BRSK2: variants seen among roughly 807,000 people sequenced by gnomAD.
The protein encoded by BRSK2 is BR serine/threonine kinase 2.
In BRSK2, 19 loss-of-function variants were observed where a neutral mutation model predicts 83.3. The observed-to-expected ratio is 0.23, with a 90% CI of 0.16 to 0.33. BRSK2 has a LOEUF of 0.33. Among genes scored for constraint, BRSK2 ranks in the 10% least tolerant of loss-of-function variants. The pLI is 1.00. For synonymous variants in BRSK2, 519 were observed against 435.4 expected, an observed-to-expected ratio of 1.19 and a Z score of -2.39; for missense variants, 798 against 1,042.3, an observed-to-expected ratio of 0.77 and a Z score of 3.23.
intron 1 of BRSK2, among the ~76,000 whole-genome samples, chr11:1,402,344 G>A (rs1846534694): frequency 6.6e-6 from 1 of 152,252 alleles, no homozygotes; most frequent in African/African-American, 2.4e-5. Flanking sequence ...TGTGGCCTAA[G>A]GGTAGGTTAG....
At chr11:1,428,001 G>A (rs1849449752) in intron 1 of BRSK2, among the ~76,000 whole-genome samples, 1 of 152,170 alleles carries the variant, frequency 6.6e-6, no homozygotes, top group African/African-American at 2.4e-5. Context: ...TTACCTAGGA[G>A]GGACGCCTCT....
intron 1 of BRSK2, among the ~76,000 whole-genome samples, chr11:1,393,138 TC>T (rs1387757455): frequency 6.6e-6 from 1 of 152,114 alleles, no homozygotes; most frequent in African/African-American, 2.4e-5. Flanking sequence ...CGAGACACAG[TC>T]CCTGCCAGCA....
In BRSK2 at chr11:1,438,658, C is replaced by T. The variant is rs1279100603; in HGVS notation, c.272+267C>T. ...CTGAGGCTGGCAAGGGGGAACAGGA[C>T]CTTCTGGAGGGGAGATAGGAGTTTC... On this transcript the variant is annotated intron_variant, in intron 3 of 19. Coordinates refer to ENST00000528841, the MANE Select transcript of BRSK2 (RefSeq NM_001256627.2). The surrounding 1 kb of genome is among the most constrained non-coding windows in gnomAD (Gnocchi z 6.4). Among the ~76,000 whole-genome samples the T allele has an allele frequency of 6.6e-6, 1 of 152,130 alleles. No homozygotes were observed.
At chr11:1,459,052 A>G in intron 18 of BRSK2, 140 bp from the exon 19 acceptor site, 2 of 176,956 alleles carry the variant, frequency 1.1e-5, no homozygotes, top group Non-Finnish European at 9.3e-6. Context: ...TGGCCCCCCC[A>G]GTATTCCCCA....
At chr11:1,401,857 A>G (rs968511083) in intron 1 of BRSK2, among the ~76,000 whole-genome samples, 2 of 152,250 alleles carry the variant, frequency 1.3e-5, no homozygotes, top group African/African-American at 2.4e-5. Flanking sequence ...GGGTCCTCAC[A>G]GCCCAGCTGC....
chr11:1,428,160 C>G (rs912844528), intron 1 of BRSK2, among the ~76,000 whole-genome samples: 4 of 152,146 alleles, frequency 2.6e-5, no homozygotes, highest in African/African-American at 7.2e-5. Context: ...TCTCCTACAT[C>G]CCAGCCTGCT....
intron 1 of BRSK2, among the ~76,000 whole-genome samples, chr11:1,422,253 C>T (rs933486357): frequency 2.0e-5 from 3 of 152,192 alleles, no homozygotes; most frequent in South Asian, 2.1e-4. Flanking sequence ...TCACAGCCCC[C>T]AGCCCCCTCC....
At chr11:1,449,177 G>C (rs1206102309) in intron 12 of BRSK2, among the ~76,000 whole-genome samples, 1 of 152,236 alleles carries the variant, frequency 6.6e-6, no homozygotes, top group East Asian at 1.9e-4. Context: ...CCTCCCTCCT[G>C]CTGTGTGCAG....
rs1451329516 is a variant in BRSK2, at chr11:1,443,146, C to A, written c.564+7C>A. The A allele has an allele frequency of 2.6e-6, 4 of 1,537,272 alleles. No individual in the cohort carries two copies. In the Admixed American group the frequency reaches 7.9e-5, roughly 30 times the overall value. The stretch of plus-strand genomic sequence containing the variant: ...CTGCCCCGAGGTGATCCGGGTGAGT[C>A]AGCGCCGCCGCGTGCAGCTCTGTGG... On this transcript the variant is annotated splice_region_variant and intron_variant, in intron 6 of 19. Coordinates refer to ENST00000528841, the MANE Select transcript of BRSK2 (RefSeq NM_001256627.2).
intron 1 of BRSK2, chr11:1,410,826 C>G (rs1165527970): frequency 2.0e-6 from 2 of 985,378 alleles, no homozygotes; most frequent in Non-Finnish European, 2.4e-6. Context: ...CAGCAGGGCA[C>G]CACCGAGACC....
At chr11:1,426,492 C>T (rs1009731460) in intron 1 of BRSK2, among the ~76,000 whole-genome samples, 3 of 152,158 alleles carry the variant, frequency 2.0e-5, no homozygotes, top group African/African-American at 7.2e-5. Flanking sequence ...GGTGCCCAGT[C>T]CTGGCAAATC....
Position 1,444,951 on chromosome 11 carries a change from C to T in BRSK2, c.781-20C>T. ...TCCGTCCCTCGTCCGTACTAACTCC[C>T]TGTTTCTCTTTCCTTGTAGCTAGAG... On this transcript the variant is annotated intron_variant, in intron 8 of 19. Coordinates refer to ENST00000528841, the MANE Select transcript of BRSK2 (RefSeq NM_001256627.2). The T allele has an allele frequency of 1.2e-6, 2 of 1,611,176 alleles. No homozygotes were observed. The highest frequency in any genetic ancestry group is 1.7e-6 in the Non-Finnish European group (2 of 1,177,514).
intron 1 of BRSK2, among the ~76,000 whole-genome samples, chr11:1,433,499 C>G (rs11027175): frequency 0.37 from 56,736 of 152,204 alleles, 10,941 homozygotes; most frequent in African/African-American, 0.43. Context: ...TTAGGGGCTC[C>G]ATGCCCTTCG....
chr11:1,448,170 C>T (rs764834428), intron 12 of BRSK2, among the ~76,000 whole-genome samples: 6 of 152,192 alleles, frequency 3.9e-5, no homozygotes, highest in Non-Finnish European at 4.4e-5. Flanking sequence ...GTGCTGTGTC[C>T]GGTGGGCCTC....
intron 19 of BRSK2, among the ~76,000 whole-genome samples, chr11:1,460,112 C>A (rs1286358616): frequency 2.6e-5 from 4 of 151,800 alleles, no homozygotes; most frequent in Non-Finnish European, 5.9e-5. Flanking sequence ...TGGGGCAGGG[C>A]CTTCCGGGCC....
rs1353369069 is a variant in BRSK2, at chr11:1,460,549, C to T, written c.2037C>T (p.Asp679=). The change falls in exon 20 of 20, where the codon GAC becomes GAT. Residue 679 remains aspartate, a synonymous_variant. Transcript: ENST00000528841. ...FFDVIKQLFS[D]EKNGQAAQAP... ...ACGTAATTAAACAACTTTTTTCAGACGAGAAGAACGGGCAGGCGGCCCAGG... is the reference window on the plus strand; with the variant it reads ...ACGTAATTAAACAACTTTTTTCAGATGAGAAGAACGGGCAGGCGGCCCAGG... 1.1e-5 allele frequency: 16 copies of T among 1,513,044 alleles called. No homozygotes were observed. In the East Asian group the frequency reaches 2.0e-4, roughly 19 times the overall value. The allele number at this position is 1,513,044 out of a possible 1,614,324, so 93.7% of individuals were successfully genotyped here.
rs1850729372 is a variant in BRSK2, at chr11:1,438,891, C to T, written c.272+500C>T. 6.6e-6 allele frequency among the ~76,000 whole-genome samples: 1 copy of T among 152,188 alleles called. No homozygotes were observed. The highest frequency in any genetic ancestry group is 2.4e-5 in the African/African-American group (1 of 41,452). On this transcript the variant is annotated intron_variant, in intron 3 of 19. Transcript: ENST00000528841. This position sits in a 1 kb window ranked among gnomAD's most constrained non-coding sequence, Gnocchi z 6.4. Reference sequence around the variant, plus strand: ...TCACCTCCGCAGCCGCTGAGGCCAGCAGAAATCCCTACCCTGTCCCAGGCA... The same window carrying T: ...TCACCTCCGCAGCCGCTGAGGCCAGTAGAAATCCCTACCCTGTCCCAGGCA...
Position 1,456,641 on chromosome 11 carries a change from C to T in BRSK2, c.1893C>T (p.Ala631=). 1 of 1,610,934 alleles carries T rather than the reference C, an allele frequency of 6.2e-7. No homozygotes were observed. Among genetic ancestry groups the T allele is most frequent in the Non-Finnish European group, 8.5e-7 (1 of 1,179,306 alleles). The change falls in exon 18 of 20, where the codon GCC becomes GCT. Residue 631 remains alanine (A), a synonymous_variant. Transcript: ENST00000528841. The part of the protein sequence containing the change: ...RFKRVVETIQ[A]QLLSTHDPPA... The stretch of plus-strand genomic sequence containing the variant: ...AGAGGGTGGTGGAGACCATCCAGGC[C>T]CAGCTGCTGAGCACACACGACCCGC...
chr11:1,414,688 CACT>C (rs2134145651), intron 1 of BRSK2, among the ~76,000 whole-genome samples: 1 of 152,304 alleles, frequency 6.6e-6, no homozygotes, highest in African/African-American at 2.4e-5. Flanking sequence ...ACGCGGCCAC[CACT>C]GTCTAGTTCC....
Sources: allele counts gnomAD v4.1 joint callset (sites outside exome capture counted in the v4.1 genomes callset), GRCh38; gene constraint gnomAD v4.1.1; non-coding constraint Gnocchi (gnomAD v3.1); transcripts MANE v1.5; gene names NCBI Gene and HGNC (gene_info 2026-07-23, HGNC 2026-07-21).